Variants in SLC12A9 observed in about 807,000 individuals in gnomAD.
SLC12A9 encodes the protein solute carrier family 12 member 9.
In SLC12A9, 55 loss-of-function variants were observed where a neutral mutation model predicts 66.0. The observed-to-expected ratio is 0.83, with a 90% CI of 0.67 to 1.04. SLC12A9 has a LOEUF of 1.04. Ranked by LOEUF, SLC12A9 falls within the 50% of genes least tolerant of loss-of-function variation. The pLI is 0.00. For missense variants in SLC12A9, 1,061 were observed against 1,241.9 expected (o/e 0.85, Z 2.19); for synonymous variants, 577 against 569.0 (o/e 1.01, Z -0.20).
intron 2 of SLC12A9, 82 bp from the exon 3 acceptor site, chr7:100,854,538 C>T (rs553941430): frequency 2.5e-6 from 4 of 1,600,618 alleles, no homozygotes; most frequent in South Asian, 1.1e-5. Context: ...CATTTAGCTC[C>T]ACCCTGGAGC....
Position 100,866,522 on chromosome 7 carries a change from G to C in SLC12A9, c.2662G>C (p.Ala888Pro), listed in dbSNP as rs1353507072. The stretch of plus-strand genomic sequence containing the variant: ...TCCCGCCCGATACCCCCGCTACCTG[G>C]CGCTACTGGAGACTCTAACCCGAGA... ...ADPARYPRYL[A>P]LLETLTRDLG... The change falls in exon 14 of 14, where the codon GCG becomes CCG. Residue 888 changes from alanine to proline, a missense_variant. Physicochemically the swap from Ala to Pro is conservative, Grantham distance 27. Coordinates refer to ENST00000354161, the MANE Select transcript of SLC12A9 (RefSeq NM_020246.4). This position sits in a 1 kb window ranked among gnomAD's most constrained non-coding sequence, Gnocchi z 7.3. 2 of 1,575,282 alleles carry C rather than the reference G, an allele frequency of 1.3e-6. No homozygotes were observed. Among genetic ancestry groups the C allele is most frequent in the Non-Finnish European group, 1.7e-6 (2 of 1,161,426 alleles).
At position 100,861,875 on chromosome 7, in the gene SLC12A9, C is replaced by G; in HGVS notation, c.1675C>G (p.Leu559Val). 6.2e-7 allele frequency: 1 copy of G among 1,612,484 alleles called. No homozygotes were observed. Among genetic ancestry groups the G allele is most frequent in the Middle Eastern group, 1.7e-4 (1 of 5,954 alleles). ...GGCCAACCAGCTTAAGAAGGGGGGG[C>G]TGTATGTGCTGGGCCACGTCACCCT... The part of the protein sequence containing the change: ...RLANQLKKGG[L>V]YVLGHVTLGD... Residue 559 changes from leucine (L) to valine (V), a missense_variant, in exon 12 of 14, where the codon CTG (leucine) becomes GTG (valine). By Grantham distance (32) the Leu-to-Val change is conservative. Transcript: ENST00000354161. This position sits in a 1 kb window ranked among gnomAD's most constrained non-coding sequence, Gnocchi z 5.3.
chr7:100,854,827 C>G, intron 3 of SLC12A9, 73 bp downstream of exon 3: 1 of 1,569,272 alleles, frequency 6.4e-7, no homozygotes, highest in South Asian at 1.1e-5. Context: ...GGGGCCATTA[C>G]CTTTGTTGGC....
At chr7:100,865,668 G>T (rs1394931250) in intron 13 of SLC12A9, 51 bp from the exon 14 acceptor site, 1 of 1,564,792 alleles carries the variant, frequency 6.4e-7, no homozygotes, top group Non-Finnish European at 8.7e-7. Context: ...TGTAAACTTA[G>T]CCTGTGAGCC....
intron 2 of SLC12A9, 28 bp from the exon 3 acceptor site, chr7:100,854,592 G>A: frequency 6.2e-7 from 1 of 1,613,698 alleles, no homozygotes; most frequent in Non-Finnish European, 8.5e-7. Context: ...TGAGTCCCCT[G>A]TGACCTGATT....
rs1034351396 is a variant in SLC12A9, at chr7:100,853,589, C to T, written c.-42-567C>T. 2.7e-4 allele frequency: 40 copies of T among 149,096 alleles called. 1 individual carries two copies. 9.2% of individuals were successfully genotyped at this position (149,096 alleles called of 1,614,324 possible). On this transcript the variant is annotated intron_variant, in intron 1 of 13. Coordinates refer to ENST00000354161, the MANE Select transcript of SLC12A9 (RefSeq NM_020246.4). The stretch of plus-strand genomic sequence containing the variant: ...TTTTTTTTTTTTATTGACACAGGGT[C>T]TCGCTCTGTCACCCAGGCTGGAGTG...
intron 1 of SLC12A9, among the ~76,000 whole-genome samples, chr7:100,845,373 G>A (rs1295964663): frequency 6.6e-6 from 1 of 151,396 alleles, no homozygotes; most frequent in Non-Finnish European, 1.5e-5. Context: ...TTTTTGAGAC[G>A]GAGTCTTGCT....
chr7:100,848,691 T>C (rs375907710), upstream of SLC12A9, among the ~76,000 whole-genome samples: 445 of 151,770 alleles, frequency 2.9e-3, 2 homozygotes, highest in East Asian at 4.3e-3. Flanking sequence ...TCGAGACCAT[T>C]CTGGCTAACA....
intron 1 of SLC12A9, among the ~76,000 whole-genome samples, chr7:100,827,772 C>G (rs1813455776): frequency 6.6e-6 from 1 of 152,134 alleles, no homozygotes; most frequent in South Asian, 2.1e-4. Context: ...TGGCGGTGCG[C>G]GCTGTCCAGG....
rs201946860 is a variant in SLC12A9, at chr7:100,861,518, C to A, written c.1470C>A (p.Ala490=). The A allele has an allele frequency of 3.0e-5, 49 of 1,613,900 alleles. No homozygotes were observed. The highest frequency in any genetic ancestry group is 2.8e-4 in the Admixed American group (17 of 60,028). Residue 490 remains alanine (A), a synonymous_variant, in exon 11 of 14, where the codon GCC becomes GCA. Transcript: ENST00000354161. This position sits in a 1 kb window ranked among gnomAD's most constrained non-coding sequence, Gnocchi z 5.3. ...GSLLLMGLLA[A]LLTARGGPSS... ...TGCTCCTCATGGGTCTGCTGGCTGC[C>A]CTGCTCACCGCGCGAGGAGGCCCCA...
At chr7:100,830,508 CA>C (rs1307114829) in intron 1 of SLC12A9, among the ~76,000 whole-genome samples, 2 of 150,842 alleles carry the variant, frequency 1.3e-5, no homozygotes, top group African/African-American at 4.9e-5. Flanking sequence ...ACCCTGTCTA[CA>C]AAAAAAGAAA....
rs1040323521 is a variant in SLC12A9 at position 100,859,265 on chromosome 7, T to C, written c.977+104T>C. 3.8e-5 allele frequency: 43 copies of C among 1,137,448 alleles called. 1 individual carries two copies. In the East Asian group the frequency reaches 7.3e-4, roughly 19 times the overall value. The allele number at this position is 1,137,448 out of a possible 1,614,324, so 70.5% of individuals were successfully genotyped here. On this transcript the variant is annotated intron_variant, in intron 7 of 13. Transcript: ENST00000354161. Reference sequence around the variant, plus strand: ...GACTGGGAAGCAGAAACCCAGCTTGTTGGGGTGGAGGGTGGCTACCGGCGA... The same window carrying C: ...GACTGGGAAGCAGAAACCCAGCTTGCTGGGGTGGAGGGTGGCTACCGGCGA...
At position 100,854,589 on chromosome 7, in the gene SLC12A9, C is replaced by T. The variant is rs754360556; in HGVS notation, c.182-31C>T. The T allele has an allele frequency of 1.9e-6, 3 of 1,613,440 alleles. No homozygotes were observed. In the East Asian group the frequency reaches 6.7e-5, roughly 36 times the overall value. On this transcript the variant is annotated intron_variant, in intron 2 of 13. Coordinates refer to ENST00000354161, the MANE Select transcript of SLC12A9 (RefSeq NM_020246.4). ...GGTGGGGGATATGGGGTGTGAGTCC[C>T]CTGTGACCTGATTTGCTGCTCCTGC... is the stretch of plus-strand genomic sequence containing the variant.
intron 1 of SLC12A9, chr7:100,827,549 G>C (rs1813447974): frequency 6.6e-6 from 1 of 152,438 alleles, no homozygotes; most frequent in African/African-American, 2.4e-5. Flanking sequence ...GGGCCCGGGA[G>C]GGAGGGGCGC....
chr7:100,861,598 G>A lies in SLC12A9; in HGVS notation c.1536+14G>A. Reference sequence around the variant, plus strand: ...CTTTTCCACCAGGTATGGGGAGCTGGTGGGGCGGTGGGGAAATGGGAGGTG... The same window carrying A: ...CTTTTCCACCAGGTATGGGGAGCTGATGGGGCGGTGGGGAAATGGGAGGTG... On this transcript the variant is annotated intron_variant, in intron 11 of 13. Transcript: ENST00000354161. The surrounding 1 kb of genome is among the most constrained non-coding windows in gnomAD (Gnocchi z 5.3). 1.2e-6 allele frequency: 2 copies of A among 1,610,806 alleles called. No homozygotes were observed. Among genetic ancestry groups the A allele is most frequent in the Non-Finnish European group, 1.7e-6 (2 of 1,177,984 alleles).
chr7:100,862,260 C>T (rs752335034), intron 12 of SLC12A9, among the ~76,000 whole-genome samples: 6 of 151,864 alleles, frequency 4.0e-5, no homozygotes, highest in Non-Finnish European at 8.8e-5. Context: ...GCCAGAACCC[C>T]TCCCCCGCTT....
intron 4 of SLC12A9, chr7:100,856,280 T>C (rs1814380350): frequency 6.1e-6 from 1 of 163,292 alleles, no homozygotes; most frequent in African/African-American, 2.4e-5. Context: ...TGATCTCCGC[T>C]CACTGCAACC....
intron 12 of SLC12A9, among the ~76,000 whole-genome samples, 157 bp downstream of exon 12, chr7:100,862,068 T>C (rs572075405): frequency 2.6e-5 from 4 of 152,044 alleles, no homozygotes; most frequent in African/African-American, 9.6e-5. Flanking sequence ...CAAGTAATTC[T>C]CCTGCCTTAG....
chr7:100,837,961 C>T (rs1177226171), intron 1 of SLC12A9, among the ~76,000 whole-genome samples: 1 of 147,120 alleles, frequency 6.8e-6, no homozygotes, highest in African/African-American at 2.5e-5. Flanking sequence ...CCTGGGTTCA[C>T]GCCATTCTCC....
Sources: allele counts gnomAD v4.1 joint callset (sites outside exome capture counted in the v4.1 genomes callset), GRCh38; gene constraint gnomAD v4.1.1; non-coding constraint Gnocchi (gnomAD v3.1); transcripts MANE v1.5; gene names NCBI Gene and HGNC (gene_info 2026-07-23, HGNC 2026-07-21).